MYLK4: variants seen among roughly 807,000 people sequenced by gnomAD.
The protein encoded by MYLK4 is caMLCK like.
MYLK4 carries 46 observed loss-of-function variants against 48.1 expected under a neutral mutation model. That is an observed-to-expected ratio of 0.96 (90% CI 0.75 to 1.22). The LOEUF (loss-of-function observed/expected upper bound fraction) is 1.22, where lower values mean the gene tolerates loss of function less well. Ranked by LOEUF, MYLK4 falls within the 50% of genes most tolerant of loss-of-function variation. The pLI, the probability that MYLK4 is intolerant of heterozygous loss-of-function variation, is 0.00. For missense variants in MYLK4, 451 were observed against 486.1 expected, an observed-to-expected ratio of 0.93 and a Z score of 0.68; for synonymous variants, 170 against 180.8, an observed-to-expected ratio of 0.94 and a Z score of 0.48.
At chr6:2,676,009 G>A (rs1180174556) in intron 10 of MYLK4, among the ~76,000 whole-genome samples, 4 of 150,798 alleles carry the variant, frequency 2.7e-5, no homozygotes, top group Admixed American at 2.0e-4. Flanking sequence ...GGAGAATCAC[G>A]TGAACCCAGG....
chr6:2,756,847 C>A, the MYLK4 span, among the ~76,000 whole-genome samples: 1 of 152,190 alleles, frequency 6.6e-6, no homozygotes, highest in Non-Finnish European at 1.5e-5. Context: ...CAGCATGAAT[C>A]ATCATTTTCT....
chr6:2,686,469 C>T (rs947198218), intron 4 of MYLK4, among the ~76,000 whole-genome samples: 1 of 152,226 alleles, frequency 6.6e-6, no homozygotes, highest in African/African-American at 2.4e-5. Context: ...CAGATGTGCA[C>T]ACTTGTGAGC....
intron 10 of MYLK4, among the ~76,000 whole-genome samples, chr6:2,675,625 C>T (rs781115703): frequency 1.3e-5 from 2 of 152,050 alleles, no homozygotes; most frequent in Non-Finnish European, 2.9e-5. Flanking sequence ...AAGAGAGGGA[C>T]CATTAGATAC....
At chr6:2,736,185 T>C (rs1763667453) in intron 2 of MYLK4, among the ~76,000 whole-genome samples, 1 of 152,246 alleles carries the variant, frequency 6.6e-6, no homozygotes, top group Non-Finnish European at 1.5e-5. Context: ...AATAATACTG[T>C]TACAGATATA....
intron 7 of MYLK4, 52 bp downstream of exon 7, chr6:2,682,969 T>C: frequency 1.9e-6 from 3 of 1,608,620 alleles, no homozygotes; most frequent in Non-Finnish European, 2.6e-6. Flanking sequence ...CAGGGCCCAC[T>C]GTGCAAGAGC....
chr6:2,711,340 G>T (rs1455215809), intron 2 of MYLK4, among the ~76,000 whole-genome samples: 1 of 152,296 alleles, frequency 6.6e-6, no homozygotes, highest in East Asian at 1.9e-4. Context: ...GAAGTAAGAT[G>T]ACTTTAGCAT....
At chr6:2,720,649 G>C (rs1170705871) in intron 2 of MYLK4, among the ~76,000 whole-genome samples, 1 of 151,886 alleles carries the variant, frequency 6.6e-6, no homozygotes, top group Non-Finnish European at 1.5e-5. Flanking sequence ...TCGTGTAAAA[G>C]AAACATTCAG....
chr6:2,736,124 A>G (rs143687185), intron 2 of MYLK4, among the ~76,000 whole-genome samples: 238 of 152,364 alleles, frequency 1.6e-3, no homozygotes, highest in African/African-American at 5.3e-3. Context: ...ATGAGTCAGG[A>G]AAAAGAAAAG....
intron 10 of MYLK4, among the ~76,000 whole-genome samples, chr6:2,675,448 GA>G (rs1308331304): frequency 6.6e-6 from 1 of 152,128 alleles, no homozygotes; most frequent in Non-Finnish European, 1.5e-5. Flanking sequence ...TCAGTCAGTT[GA>G]AAAATAAATA....
In MYLK4 at chr6:2,692,814, C is replaced by A; in HGVS notation, c.205G>T (p.Val69Phe). 6.2e-7 allele frequency: 1 copy of A among 1,613,760 alleles called. No homozygotes were observed. Among genetic ancestry groups the A allele is most frequent in the Non-Finnish European group, 8.5e-7 (1 of 1,179,880 alleles). ...SNADLTERMPVKSKRTSALAV... is the reference protein window; with the variant it reads ...SNADLTERMPFKSKRTSALAV... Reference sequence around the variant, plus strand: ...AGGGCTGATGTCCTTTTGCTTTTGACGGGCATCCTTTCCGTCAGGTCGGCG... The same window carrying A: ...AGGGCTGATGTCCTTTTGCTTTTGAAGGGCATCCTTTCCGTCAGGTCGGCG... Residue 69 changes from valine to phenylalanine, a missense_variant, in exon 3 of 13, where the codon GTC becomes TTC. By Grantham distance (50) the Val-to-Phe change is conservative. Coordinates refer to ENST00000274643, the MANE Select transcript of MYLK4 (RefSeq NM_001012418.5).
intron 2 of MYLK4, among the ~76,000 whole-genome samples, chr6:2,732,461 C>T (rs541735611): frequency 2.0e-5 from 3 of 152,176 alleles, no homozygotes; most frequent in African/African-American, 7.2e-5. Context: ...TCAGGAAGCA[C>T]TCAGTAAATC....
chr6:2,766,182 G>C, the MYLK4 span: 16 of 1,374,704 alleles, frequency 1.2e-5, no homozygotes, highest in Admixed American at 7.3e-5. Context: ...GACGACCCGG[G>C]GCACTGGGAC....
At chr6:2,766,482 C>G in the MYLK4 span, 3 of 1,464,530 alleles carry the variant, frequency 2.0e-6, no homozygotes, top group African/African-American at 2.8e-5. Context: ...CCGTAGTTAT[C>G]TCGGCGGTGG....
the MYLK4 span, among the ~76,000 whole-genome samples, chr6:2,763,250 A>C: frequency 2.8e-4 from 43 of 152,334 alleles, no homozygotes; most frequent in African/African-American, 9.9e-4. Flanking sequence ...TCCCCACCAG[A>C]CTCAGAAACC....
At chr6:2,706,715 A>G (rs1762501957) in intron 2 of MYLK4, among the ~76,000 whole-genome samples, 1 of 152,188 alleles carries the variant, frequency 6.6e-6, no homozygotes, top group African/African-American at 2.4e-5. Flanking sequence ...GAGGTACAGT[A>G]TCACCCAGGG....
rs778713575 is a variant in MYLK4, at chr6:2,692,899, A to T, written c.160-40T>A. On this transcript the variant is annotated intron_variant, in intron 2 of 12. Transcript: ENST00000274643. ...TTGAGTAATTGAAGTTACATATCAC[A>T]TCTGGGCTTTTCAACCTCAGCACTC... is the stretch of plus-strand genomic sequence containing the variant. 2.1e-5 allele frequency: 33 copies of T among 1,582,558 alleles called. No homozygotes were observed. In the East Asian group the frequency reaches 6.9e-4, roughly 33 times the overall value.
rs1415936226 is a variant in MYLK4, at chr6:2,700,611, A to T, written c.160-7752T>A. On this transcript the variant is annotated intron_variant, in intron 2 of 12. Transcript: ENST00000274643. Reference sequence around the variant, plus strand: ...CCTCCTCCTTATCCTCCACCCAGGGATACGTGTGTGGAAATGAGGCCAAGG... The same window carrying T: ...CCTCCTCCTTATCCTCCACCCAGGGTTACGTGTGTGGAAATGAGGCCAAGG... Among the ~76,000 whole-genome samples, 4 of 152,102 alleles carry T rather than the reference A, an allele frequency of 2.6e-5. No individual in the cohort carries two copies. The South Asian group carries it at 6.2e-4, about 24-fold the overall frequency.
At chr6:2,729,867 T>C (rs1220975679) in intron 2 of MYLK4, among the ~76,000 whole-genome samples, 1 of 152,098 alleles carries the variant, frequency 6.6e-6, no homozygotes, top group Non-Finnish European at 1.5e-5. Context: ...GCTGGAGCAA[T>C]CCCTCCCAGC....
intron 2 of MYLK4, among the ~76,000 whole-genome samples, chr6:2,722,259 T>C (rs959849876): frequency 2.0e-5 from 3 of 152,206 alleles, no homozygotes; most frequent in African/African-American, 4.8e-5. Context: ...TGACAATTAG[T>C]ATACAGTGTG....
Sources: allele counts gnomAD v4.1 joint callset (sites outside exome capture counted in the v4.1 genomes callset), GRCh38; gene constraint gnomAD v4.1.1; transcripts MANE v1.5; gene names NCBI Gene and HGNC (gene_info 2026-07-23, HGNC 2026-07-21).